Variants in EYA2 observed in about 807,000 individuals in gnomAD.
The protein encoded by EYA2 is EYA transcriptional coactivator and phosphatase 2, also known as protein phosphatase EYA2.
EYA2 carries 31 observed loss-of-function variants against 69.2 expected under a neutral mutation model. The ratio of observed to expected loss-of-function variants is 0.45; its 90% CI spans 0.34 to 0.60. The LOEUF (loss-of-function observed/expected upper bound fraction) is 0.60. EYA2 is among the 20% of genes least tolerant of loss of function. The pLI is 0.02. For missense variants in EYA2, 622 were observed against 701.2 expected (o/e 0.89, Z 1.28); for synonymous variants, 257 against 279.4 (o/e 0.92, Z 0.80).
chr20:47,094,398 C>T (rs756417915), intron 8 of EYA2, among the ~76,000 whole-genome samples: 33 of 152,262 alleles, frequency 2.2e-4, no homozygotes, highest in South Asian at 1.2e-3. Flanking sequence ...ACTATGATGG[C>T]CCAGCATATA....
rs1282541437 is a variant in EYA2 at position 47,005,109 on chromosome 20, C to G, written c.298+25C>G. ...AGTGAGTAGTAAACAAGTCCTTACT[C>G]TCCTCCTCAGGTCCCCAAATCATGG... On this transcript the variant is annotated intron_variant, in intron 4 of 15. Coordinates refer to ENST00000327619, the MANE Select transcript of EYA2 (RefSeq NM_005244.5). The G allele has an allele frequency of 1.9e-6, 3 of 1,609,128 alleles. No individual in the cohort carries two copies. In the African/African-American group the frequency reaches 4.0e-5, roughly 22 times the overall value.
intron 10 of EYA2, among the ~76,000 whole-genome samples, chr20:47,153,093 C>A (rs2033855823): frequency 6.6e-6 from 1 of 151,980 alleles, no homozygotes; most frequent in Non-Finnish European, 1.5e-5. Context: ...ATGCCCACCA[C>A]ACTGAGTCCC....
chr20:47,004,817 A>G (rs1173080047), intron 3 of EYA2, 125 bp from the exon 4 acceptor site: 2 of 1,256,660 alleles, frequency 1.6e-6, no homozygotes, highest in Non-Finnish European at 2.3e-6. Context: ...TTTGGTGAAC[A>G]TGTATGTTGT....
intron 5 of EYA2, among the ~76,000 whole-genome samples, chr20:47,032,270 C>T (rs533297386): frequency 3.7e-4 from 57 of 152,280 alleles, no homozygotes; most frequent in African/African-American, 1.2e-3. Flanking sequence ...TCCCTGGGCC[C>T]GGGGAACATG....
chr20:46,941,009 G>A (rs1233086106), intron 1 of EYA2, among the ~76,000 whole-genome samples: 1 of 152,204 alleles, frequency 6.6e-6, no homozygotes, highest in Non-Finnish European at 1.5e-5. Context: ...AGGCAACTAT[G>A]AAATCAACAG....
intron 1 of EYA2, among the ~76,000 whole-genome samples, chr20:46,964,368 C>T (rs1600587264): frequency 2.0e-5 from 3 of 152,072 alleles, no homozygotes; most frequent in Admixed American, 6.5e-5. Context: ...GGCTGGGAGG[C>T]GTCTTGGCAG....
At chr20:47,158,565 A>G (rs1392178880) in intron 10 of EYA2, among the ~76,000 whole-genome samples, 4 of 151,796 alleles carry the variant, frequency 2.6e-5, no homozygotes, top group Admixed American at 1.3e-4. Flanking sequence ...ACCTGAGCCC[A>G]GGAACGATGA....
intron 1 of EYA2, among the ~76,000 whole-genome samples, chr20:46,936,263 G>A (rs1410330150): frequency 2.0e-5 from 3 of 152,194 alleles, no homozygotes; most frequent in Admixed American, 6.5e-5. Flanking sequence ...CTGAGGCCAG[G>A]AGTTCAAGAC....
At chr20:47,038,599 C>T (rs1984850692) in intron 5 of EYA2, among the ~76,000 whole-genome samples, 1 of 152,142 alleles carries the variant, frequency 6.6e-6, no homozygotes, top group Admixed American at 6.5e-5. Flanking sequence ...TGTGTGTGTG[C>T]ACGCACACAT....
intron 1 of EYA2, among the ~76,000 whole-genome samples, chr20:46,934,584 C>G (rs1050658766): frequency 5.9e-5 from 9 of 152,172 alleles, no homozygotes; most frequent in African/African-American, 1.9e-4. Context: ...GGGAGAGGCT[C>G]TCCAAGGGAA....
rs532993918 is a variant in EYA2, at chr20:47,069,446, G to A, written c.416-2739G>A. Among the ~76,000 whole-genome samples the A allele has an allele frequency of 1.2e-3, 183 of 152,216 alleles. 1 individual carries two copies. Among genetic ancestry groups the A allele is most frequent in the African/African-American group, 4.0e-3 (165 of 41,536 alleles). ...GGAGATTGCAGTGAGCCTAGATTGC[G>A]CCTCTGCACTCCAGCCTGGGTGAGA... On this transcript the variant is annotated intron_variant, in intron 5 of 15. Transcript: ENST00000327619.
At chr20:47,056,817 G>A (rs1219420481) in intron 5 of EYA2, among the ~76,000 whole-genome samples, 1 of 152,078 alleles carries the variant, frequency 6.6e-6, no homozygotes, top group African/African-American at 2.4e-5. Flanking sequence ...GGCCGAGGCG[G>A]GCAGATTGCT....
intron 9 of EYA2, among the ~76,000 whole-genome samples, chr20:47,139,378 A>G (rs750084210): frequency 3.2e-4 from 48 of 152,198 alleles, no homozygotes; most frequent in Non-Finnish European, 5.7e-4. Context: ...TTTCCTGCCC[A>G]GGGGCAACAA....
chr20:47,109,674 C>T (rs899611849), intron 9 of EYA2, among the ~76,000 whole-genome samples: 1 of 152,148 alleles, frequency 6.6e-6, no homozygotes. Context: ...TGAGGCACCA[C>T]ACCCTGCCTG....
intron 10 of EYA2, among the ~76,000 whole-genome samples, chr20:47,147,035 C>A (rs2033716385): frequency 6.6e-6 from 1 of 150,504 alleles, no homozygotes. Context: ...CTTGTTATAT[C>A]CAGGAGAGGC....
chr20:46,952,341 G>A (rs1978854019), intron 1 of EYA2, among the ~76,000 whole-genome samples: 1 of 152,142 alleles, frequency 6.6e-6, no homozygotes, highest in Non-Finnish European at 1.5e-5. Context: ...GAAGTCAGGG[G>A]CGGGATCAGA....
At chr20:46,929,220 G>C (rs891802348) in intron 1 of EYA2, among the ~76,000 whole-genome samples, 5 of 151,824 alleles carry the variant, frequency 3.3e-5, no homozygotes, top group Non-Finnish European at 7.4e-5. Context: ...CTGGAAGGAG[G>C]AGAGGGCAGA....
chr20:46,955,580 C>A (rs935428204), intron 1 of EYA2, among the ~76,000 whole-genome samples: 4 of 151,978 alleles, frequency 2.6e-5, no homozygotes, highest in Non-Finnish European at 5.9e-5. Context: ...CTGACATAAC[C>A]CCTGTTAATT....
chr20:47,073,756 C>A (rs942232453), intron 6 of EYA2, among the ~76,000 whole-genome samples: 1 of 152,004 alleles, frequency 6.6e-6, no homozygotes, highest in Non-Finnish European at 1.5e-5. Flanking sequence ...GGAATTAAAG[C>A]CCCCTGGGTG....
Sources: allele counts gnomAD v4.1 joint callset (sites outside exome capture counted in the v4.1 genomes callset), GRCh38; gene constraint gnomAD v4.1.1; transcripts MANE v1.5; gene names NCBI Gene and HGNC (gene_info 2026-07-23, HGNC 2026-07-21).